The following ABRAXAS1 variants were observed in gnomAD, a reference collection of about 807,000 sequenced individuals.
ABRAXAS1 encodes the protein abraxas 1, BRCA1 A complex subunit.
Under a neutral mutation model 38.4 loss-of-function variants are expected in ABRAXAS1, and 26 were observed. The observed-to-expected ratio is 0.68, with a 90% CI of 0.50 to 0.94. ABRAXAS1 has a LOEUF of 0.94. Among genes scored for constraint, ABRAXAS1 ranks in the 40% least tolerant of loss-of-function variants. The pLI is 0.00. For synonymous variants in ABRAXAS1, 144 were observed against 165.5 expected, an observed-to-expected ratio of 0.87 and a Z score of 1.00; for missense variants, 438 against 481.9, an observed-to-expected ratio of 0.91 and a Z score of 0.85.
At chr4:83,471,018 A>G (rs1175893377) in intron 4 of ABRAXAS1, among the ~76,000 whole-genome samples, 1 of 152,128 alleles carries the variant, frequency 6.6e-6, no homozygotes, top group Non-Finnish European at 1.5e-5. Context: ...CTTTGCTTAG[A>G]GATCTGTGAG....
intron 7 of ABRAXAS1, chr4:83,463,834 T>A: frequency 6.3e-6 from 2 of 315,560 alleles, no homozygotes; most frequent in East Asian, 9.9e-5. Context: ...AACTTCTCAT[T>A]TATACAGCTT....
chr4:83,468,311 G>GAAAAAAAAAAA (rs56262938), intron 6 of ABRAXAS1, among the ~76,000 whole-genome samples: 1 of 123,770 alleles, frequency 8.1e-6, no homozygotes, highest in Non-Finnish European at 1.8e-5. Flanking sequence ...GTCTTTAAAA[G>GAAAAAAAAAAA]AAAAAAAAAA....
chr4:83,461,111 C>T lies in ABRAXAS1; in HGVS notation c.*1358G>A, dbSNP rs142051764. The T allele has an allele frequency of 7.1e-3, 11,408 of 1,613,262 alleles. 645 individuals carry two copies. The African/African-American group carries it at 0.13, about 18-fold the overall frequency. On this transcript the variant is annotated 3_prime_UTR_variant, in exon 9 of 9. Transcript: ENST00000321945. ...ATGTTTTGTCAAGAACTTTAATTAT[C>T]TCTTTACAGGGTTTATGCCAGTTAC...
At chr4:83,464,491 G>C (rs1435162352) in intron 7 of ABRAXAS1, among the ~76,000 whole-genome samples, 1 of 152,148 alleles carries the variant, frequency 6.6e-6, no homozygotes, top group Non-Finnish European at 1.5e-5. Flanking sequence ...TAAAACAACT[G>C]GGGGAGGGGA....
chr4:83,473,791 A>T (rs1722668871), intron 3 of ABRAXAS1, among the ~76,000 whole-genome samples: 1 of 151,604 alleles, frequency 6.6e-6, no homozygotes, highest in Non-Finnish European at 1.5e-5. Context: ...CTGGAATTAT[A>T]GGCGTGAGCC....
chr4:83,483,971 A>G, intron 1 of ABRAXAS1: 1 of 948,090 alleles, frequency 1.1e-6, no homozygotes, highest in Non-Finnish European at 1.3e-6. Flanking sequence ...GGTTATCTGA[A>G]ATTGTATACA....
chr4:83,484,021 A>C, intron 1 of ABRAXAS1: 1 of 983,448 alleles, frequency 1.0e-6, no homozygotes, highest in Non-Finnish European at 1.2e-6. Context: ...GATTGTGCCA[A>C]AGAGCAATTT....
Position 83,482,248 on chromosome 4 carries a change from T to A in ABRAXAS1, c.88-4A>T, listed in dbSNP as rs1723023547. On this transcript the variant is annotated splice_polypyrimidine_tract_variant and splice_region_variant and intron_variant, in intron 1 of 8. Transcript: ENST00000321945. ...CTTCCCCAAGAAGAAAACCTTCCTA[T>A]GAAGATAAAGAGGCAATATATAGAA... is the stretch of plus-strand genomic sequence containing the variant. 1.9e-6 allele frequency: 3 copies of A among 1,590,688 alleles called. No individual in the cohort carries two copies. The highest frequency in any genetic ancestry group is 1.7e-6 in the Non-Finnish European group (2 of 1,162,594).
chr4:83,471,774 G>A (rs748051328), intron 4 of ABRAXAS1, among the ~76,000 whole-genome samples: 1 of 152,066 alleles, frequency 6.6e-6, no homozygotes, highest in Non-Finnish European at 1.5e-5. Context: ...GGAGGCTGAG[G>A]CAGGAGAATC....
intron 3 of ABRAXAS1, among the ~76,000 whole-genome samples, chr4:83,473,294 A>G (rs1036174966): frequency 2.6e-5 from 4 of 152,056 alleles, no homozygotes; most frequent in Non-Finnish European, 5.9e-5. Context: ...TATATTTCCA[A>G]TATTTGTCTA....
At chr4:83,481,031 C>G (rs1404328268) in intron 2 of ABRAXAS1, among the ~76,000 whole-genome samples, 2 of 151,906 alleles carry the variant, frequency 1.3e-5, no homozygotes, top group Non-Finnish European at 2.9e-5. Context: ...ACTTGGGAGG[C>G]TGAAGCAGGA....
In ABRAXAS1 at chr4:83,462,757, G is replaced by A. The variant is rs2110033173; in HGVS notation, c.942C>T (p.Asn314=). Residue 314 remains asparagine (N), a synonymous_variant, in exon 9 of 9, where the codon AAC becomes AAT. Coordinates refer to ENST00000321945, the MANE Select transcript of ABRAXAS1 (RefSeq NM_139076.3). The stretch of plus-strand genomic sequence containing the variant: ...GATTGTCTACTACATCGAGATGGTG[G>A]TTGTAGTTACAGCTACTTTTAGAAA... ...RHVSKSSCNY[N]HHLDVVDNLT... is the part of the protein sequence containing the mutation. The A allele has an allele frequency of 1.2e-6, 2 of 1,613,958 alleles. No individual in the cohort carries two copies. The highest frequency in any genetic ancestry group is 2.2e-5 in the East Asian group (1 of 44,864).
intron 2 of ABRAXAS1, 91 bp downstream of exon 2, chr4:83,482,063 A>G (rs1701024443): frequency 1.2e-6 from 1 of 843,052 alleles, no homozygotes; most frequent in Non-Finnish European, 1.8e-6. Flanking sequence ...TCCTAATTTA[A>G]AAATAATAAT....
rs924277966 is a variant in ABRAXAS1, at chr4:83,470,352, G to C, written c.327C>G (p.Ile109Met). Residue 109 changes from isoleucine to methionine, a missense_variant, in exon 5 of 9, where the codon ATC becomes ATG. This residue lies in a region of ABRAXAS1 where 194 missense variants were observed against 269.0 expected (regional missense o/e 0.72). Transcript: ENST00000321945. ...GAAGCAGCCTCTCTCTAAACGTCAT[G>C]ATCTGATCTGAATGACGACGGAATT... ...WYKFRRHSDQ[I>M]MTFRERLLHK... The C allele has an allele frequency of 2.5e-5, 41 of 1,613,720 alleles. No homozygotes were observed. Among genetic ancestry groups the C allele is most frequent in the Non-Finnish European group, 3.1e-5 (36 of 1,179,830 alleles).
chr4:83,480,784 G>C (rs1010983860), intron 2 of ABRAXAS1, among the ~76,000 whole-genome samples: 2 of 152,044 alleles, frequency 1.3e-5, no homozygotes, highest in Non-Finnish European at 2.9e-5. Context: ...ATATTTAAAG[G>C]AATGTTTAAA....
At position 83,463,554 on chromosome 4, in the gene ABRAXAS1, C is replaced by T; in HGVS notation, c.736G>A (p.Asp246Asn). The change falls in exon 8 of 9, where the codon GAT (aspartate) becomes AAT (asparagine). Residue 246 changes from aspartate (D) to asparagine (N), a missense_variant. This residue lies in a region of ABRAXAS1 where 194 missense variants were observed against 269.0 expected (regional missense o/e 0.72). Transcript: ENST00000321945. Reference sequence around the variant, plus strand: ...ATTTCTCGTTTTAATCTGTTTACATCCTTTACTAGTTTATCTACTGCTTGT... The same window carrying T: ...ATTTCTCGTTTTAATCTGTTTACATTCTTTACTAGTTTATCTACTGCTTGT... ...SEQAVDKLVK[D>N]VNRLKREIEK... is the part of the protein sequence containing the mutation. 6.2e-7 allele frequency: 1 copy of T among 1,611,934 alleles called. No homozygotes were observed.
chr4:83,464,484 A>G (rs542636242), intron 7 of ABRAXAS1, among the ~76,000 whole-genome samples: 1 of 152,228 alleles, frequency 6.6e-6, no homozygotes, highest in African/African-American at 2.4e-5. Flanking sequence ...TATAACATAA[A>G]ACAACTGGGG....
intron 2 of ABRAXAS1, among the ~76,000 whole-genome samples, chr4:83,481,297 A>T (rs998244715): frequency 2.0e-5 from 3 of 152,218 alleles, no homozygotes; most frequent in Admixed American, 1.3e-4. Flanking sequence ...ACAATCAGAA[A>T]ACTCCCTATA....
chr4:83,479,533 C>T (rs1485146484), intron 2 of ABRAXAS1: 1 of 151,580 alleles, frequency 6.6e-6, no homozygotes, highest in Non-Finnish European at 1.5e-5. Context: ...TTCAAATATA[C>T]ACTCAACAGC....
Sources: allele counts gnomAD v4.1 joint callset (sites outside exome capture counted in the v4.1 genomes callset), GRCh38; gene constraint gnomAD v4.1.1; regional missense constraint gnomAD v4.1.1; transcripts MANE v1.5; gene names NCBI Gene and HGNC (gene_info 2026-07-23, HGNC 2026-07-21).